TTC34: variants seen among roughly 807,000 people sequenced by gnomAD.
The protein encoded by TTC34 is tetratricopeptide repeat protein 34.
A neutral mutation model predicts 40.7 loss-of-function variants in TTC34; 44 were observed. The observed-to-expected ratio is 1.08, with a 90% CI of 0.85 to 1.39. TTC34 has a LOEUF of 1.39. TTC34 is among the 40% of genes most tolerant of loss of function. TTC34 has a pLI of 0.00. For missense variants in TTC34, 884 were observed against 838.0 expected (o/e 1.05, Z -0.68); for synonymous variants, 422 against 398.6 (o/e 1.06, Z -0.70).
Position 2,695,094 on chromosome 1 carries a change from A to C in TTC34, c.2227-49531T>G, listed in dbSNP as rs552267851. On this transcript the variant is annotated intron_variant, in intron 6 of 8. Coordinates refer to ENST00000401095, the Ensembl canonical transcript of TTC34. Reference sequence around the variant, plus strand: ...CACACCCCCAGGCGAGCATCTGACAACCTGGAACAGCACCCATACGCCAAG... The same window carrying C: ...CACACCCCCAGGCGAGCATCTGACACCCTGGAACAGCACCCATACGCCAAG... 2.1e-4 allele frequency among the ~76,000 whole-genome samples: 14 copies of C among 66,866 alleles called. No individual in the cohort carries two copies. The South Asian group carries it at 6.9e-3, about 33-fold the overall frequency. 43.9% of individuals were successfully genotyped at this position (66,866 alleles called of 152,430 possible).
intron 6 of TTC34, among the ~76,000 whole-genome samples, chr1:2,778,257 C>G (rs1408801229): frequency 6.6e-6 from 1 of 152,254 alleles, no homozygotes; most frequent in Admixed American, 6.5e-5. Flanking sequence ...CACATTGCCT[C>G]TGTGCTGTGC....
At chr1:2,769,755 C>G (rs554524927) in intron 6 of TTC34, among the ~76,000 whole-genome samples, 4 of 148,594 alleles carry the variant, frequency 2.7e-5, no homozygotes, top group African/African-American at 5.0e-5. Context: ...CCCACACCCC[C>G]AGGTGAGCAT....
At chr1:2,687,859 A>G (rs1471701703) in intron 6 of TTC34, among the ~76,000 whole-genome samples, 2 of 151,778 alleles carry the variant, frequency 1.3e-5, no homozygotes, top group East Asian at 3.9e-4. Flanking sequence ...ACAGTTGAGC[A>G]TCTGACAGCC....
chr1:2,658,419 C>A (rs1570768133), intron 6 of TTC34, among the ~76,000 whole-genome samples: 1 of 76,510 alleles, frequency 1.3e-5, no homozygotes, highest in South Asian at 3.8e-4. Context: ...GAGCAGCACC[C>A]AAACCCCCAG....
chr1:2,786,130 G>GTGGACCCTGGGGCA, intron 4 of TTC34, 107 bp from the exon 5 acceptor site: 1 of 1,066,562 alleles, frequency 9.4e-7, no homozygotes, highest in Non-Finnish European at 1.3e-6. Context: ...ACTGCCCCAG[G>GTGGACCCTGGGGCA]GTCCACCTGG....
intron 8 of TTC34, 97 bp downstream of exon 8, chr1:2,644,167 A>C: frequency 8.0e-7 from 1 of 1,250,562 alleles, no homozygotes; most frequent in Non-Finnish European, 1.1e-6. Context: ...CCAACCGCAG[A>C]GAGTGAAGAA....
At chr1:2,751,293 G>A (rs1484869323) in intron 6 of TTC34, among the ~76,000 whole-genome samples, 31 of 45,464 alleles carry the variant, frequency 6.8e-4, no homozygotes, top group African/African-American at 1.6e-3. Context: ...ACACACCCAG[G>A]TGAGCATCCG....
chr1:2,778,443 C>T (rs1643388531), intron 6 of TTC34, among the ~76,000 whole-genome samples: 1 of 152,194 alleles, frequency 6.6e-6, no homozygotes, highest in Admixed American at 6.5e-5. Context: ...GTGGACCCCT[C>T]CCATCCCTGC....
At chr1:2,686,611 A>T (rs1640362105) in intron 6 of TTC34, among the ~76,000 whole-genome samples, 1 of 151,342 alleles carries the variant, frequency 6.6e-6, no homozygotes. Context: ...CCCCCAGGCG[A>T]GCATCTGACA....
chr1:2,643,611 T>A (rs1638958413), intron 8 of TTC34, among the ~76,000 whole-genome samples: 1 of 147,620 alleles, frequency 6.8e-6, no homozygotes, highest in Non-Finnish European at 1.5e-5. Context: ...GGCCGCCTCC[T>A]CTAGGTCCCG....
chr1:2,785,236 C>G (rs1643565884), intron 5 of TTC34, among the ~76,000 whole-genome samples: 1 of 152,022 alleles, frequency 6.6e-6, no homozygotes, highest in South Asian at 2.1e-4. Context: ...GGGGTGCTTA[C>G]TAAGTGCATG....
At chr1:2,789,734 G>A in exon 3 of TTC34, 2 of 826,580 alleles carry the variant, frequency 2.4e-6, no homozygotes, top group Non-Finnish European at 3.4e-6. Context: ...CGCGCTGCCC[G>A]CCAGCACCCG....
rs1372660723 is a variant in TTC34 at position 2,700,136 on chromosome 1, A to C, written c.2227-54573T>G. Reference sequence around the variant, plus strand: ...GAGCCTGGAGCAGCATCCTCACCCCAGGTGAGCATCGGACATCCTGGAGCA... The same window carrying C: ...GAGCCTGGAGCAGCATCCTCACCCCCGGTGAGCATCGGACATCCTGGAGCA... On this transcript the variant is annotated intron_variant, in intron 6 of 8. Transcript: ENST00000401095. 4.1e-5 allele frequency among the ~76,000 whole-genome samples: 4 copies of C among 98,296 alleles called. 1 individual carries two copies. Among genetic ancestry groups the C allele is most frequent in the African/African-American group, 1.3e-4 (4 of 30,936 alleles). 64.5% of individuals were successfully genotyped at this position (98,296 alleles called of 152,430 possible).
intron 6 of TTC34, among the ~76,000 whole-genome samples, chr1:2,752,204 C>T (rs1464307304): frequency 0.22 from 24,525 of 111,338 alleles, 4,945 homozygotes; most frequent in South Asian, 0.35. Flanking sequence ...GGAACAGAAC[C>T]CACACCCCCA....
intron 6 of TTC34, among the ~76,000 whole-genome samples, chr1:2,778,089 C>A (rs533093140): frequency 6.6e-6 from 1 of 152,310 alleles, no homozygotes; most frequent in South Asian, 2.1e-4. Context: ...TCAGGCCTGC[C>A]AGTGGGAAAC....
At chr1:2,780,712 T>C (rs967913505) in intron 6 of TTC34, among the ~76,000 whole-genome samples, 1 of 152,234 alleles carries the variant, frequency 6.6e-6, no homozygotes, top group Non-Finnish European at 1.5e-5. Context: ...TTGCTGGTTC[T>C]TTTTCAGGGT....
At chr1:2,692,707 C>CG (rs1640682596) in intron 6 of TTC34, among the ~76,000 whole-genome samples, 3 of 120,782 alleles carry the variant, frequency 2.5e-5, no homozygotes, top group South Asian at 2.8e-4. Context: ...CACCCACACC[C>CG]CAGGTGAGCA....
At chr1:2,691,938 C>T (rs537630076) in intron 6 of TTC34, among the ~76,000 whole-genome samples, 1 of 83,984 alleles carries the variant, frequency 1.2e-5, no homozygotes, top group Non-Finnish European at 2.7e-5. Flanking sequence ...TGGAACACCA[C>T]GCACAACCCC....
intron 6 of TTC34, among the ~76,000 whole-genome samples, chr1:2,693,905 ATGCCCAGCTGAGCCTGTGACAGCCT>A (rs1640741802): frequency 3.4e-5 from 2 of 59,368 alleles, no homozygotes; most frequent in Admixed American, 1.7e-4. Context: ...CAGCACCCAC[ATGCCCAGCTGAGCCTGTGACAGCCT>A]CGAACAGCAC....
Sources: allele counts gnomAD v4.1 joint callset (sites outside exome capture counted in the v4.1 genomes callset), GRCh38; gene constraint gnomAD v4.1.1; transcripts MANE v1.5; gene names NCBI Gene and HGNC (gene_info 2026-07-23, HGNC 2026-07-21).